The following TRRAP variants were observed in gnomAD, a reference collection of about 807,000 sequenced individuals.
The protein encoded by TRRAP is transformation/transcription domain-associated protein.
Under a neutral mutation model 438.8 loss-of-function variants are expected in TRRAP, and 41 were observed. That is an observed-to-expected ratio of 0.09 (90% CI 0.07 to 0.12). TRRAP has a LOEUF of 0.12. TRRAP is among the 10% of genes least tolerant of loss of function. TRRAP has a pLI of 1.00. For missense variants in TRRAP, 3,122 were observed against 5,055.1 expected (o/e 0.62, Z 11.60); for synonymous variants, 1,994 against 1,962.9 (o/e 1.02, Z -0.42).
At chr7:98,919,634 C>T (rs782258611) in intron 20 of TRRAP, among the ~76,000 whole-genome samples, 3 of 152,128 alleles carry the variant, frequency 2.0e-5, no homozygotes, top group African/African-American at 4.8e-5. Context: ...TGGCATAGGC[C>T]GTGGGTCAGA....
intron 49 of TRRAP, among the ~76,000 whole-genome samples, chr7:98,966,190 C>T (rs939204762): frequency 6.6e-6 from 1 of 151,634 alleles, no homozygotes; most frequent in African/African-American, 2.4e-5. Flanking sequence ...CCTGCAGTCC[C>T]AGCTACTCGG....
Position 98,949,438 on chromosome 7 carries a change from G to A in TRRAP, c.4810G>A (p.Ala1604Thr), listed in dbSNP as rs775854011. 57 of 1,579,410 alleles carry A rather than the reference G, an allele frequency of 3.6e-5. No individual in the cohort carries two copies. Among genetic ancestry groups the A allele is most frequent in the African/African-American group, 5.5e-5 (4 of 72,930 alleles). ...MFMSFLKHKD[A>T]RPLRDVLAAN... ...TCAGAGTTTTTTAAAACACAAAGACGCCAGACCTCTGCGGGATGTGCTGGC... is the reference window on the plus strand; with the variant it reads ...TCAGAGTTTTTTAAAACACAAAGACACCAGACCTCTGCGGGATGTGCTGGC... Residue 1604 changes from alanine (A) to threonine (T), a missense_variant, in exon 36 of 73, where the codon GCC (alanine) becomes ACC (threonine). This residue lies in a region of TRRAP where 272 missense variants were observed against 348.5 expected (regional missense o/e 0.78). Coordinates refer to ENST00000456197, the MANE Select transcript of TRRAP (RefSeq NM_001375524.1).
chr7:98,897,672 T>G, intron 7 of TRRAP, 69 bp from the exon 8 acceptor site: 2 of 1,449,932 alleles, frequency 1.4e-6, no homozygotes, highest in Non-Finnish European at 1.8e-6. Context: ...TTTTGTTTTG[T>G]TTTGTTTTGT....
rs745844727 is a variant in TRRAP at position 98,967,603 on chromosome 7, A to G, written c.7417A>G (p.Met2473Val). 97 of 1,613,994 alleles carry G rather than the reference A, an allele frequency of 6.0e-5. No homozygotes were observed. The highest frequency in any genetic ancestry group is 8.1e-5 in the Non-Finnish European group (96 of 1,180,024). The change falls in exon 51 of 73, where the codon ATG becomes GTG. Residue 2473 changes from methionine (M) to valine (V), a missense_variant. Met to Val is a conservative substitution (Grantham distance 21). Transcript: ENST00000456197. The part of the protein sequence containing the change: ...AKFFEVFDNS[M>V]KRRVYERLLY... ...GTTTTTCGAGGTTTTTGACAACTCC[A>G]TGAAACGTCGTGTCTACGAGCGCTT...
chr7:98,891,205 T>TGTA (rs35255192), intron 4 of TRRAP, among the ~76,000 whole-genome samples: 2 of 72,730 alleles, frequency 2.7e-5, no homozygotes, highest in African/African-American at 9.6e-5. Context: ...ATATATATAT[T>TGTA]TTTTTTTTTT....
intron 44 of TRRAP, among the ~76,000 whole-genome samples, chr7:98,958,564 T>G (rs1331500062): frequency 6.6e-6 from 1 of 152,212 alleles, no homozygotes. Context: ...CCTCCCAAAG[T>G]GCTGGGATTG....
chr7:98,884,419 G>A (rs1186992866), intron 3 of TRRAP, among the ~76,000 whole-genome samples: 2 of 152,022 alleles, frequency 1.3e-5, no homozygotes, highest in Non-Finnish European at 2.9e-5. Context: ...ATTTTTAGTA[G>A]AGATGGGGTT....
intron 1 of TRRAP, 71 bp from the exon 2 acceptor site, chr7:98,881,019 G>A (rs1391866022): frequency 3.5e-6 from 2 of 578,960 alleles, no homozygotes; most frequent in Non-Finnish European, 5.8e-6. Context: ...TAGGCCTTTA[G>A]GTAAGATTTT....
intron 67 of TRRAP, chr7:98,999,855 G>A (rs1027100962): frequency 3.2e-5 from 14 of 441,286 alleles, no homozygotes; most frequent in Non-Finnish European, 4.5e-5. Context: ...TTGCTTTTCC[G>A]AATTCATCTC....
chr7:99,008,266 A>C, intron 69 of TRRAP, 111 bp from the exon 70 acceptor site: 3 of 1,151,456 alleles, frequency 2.6e-6, no homozygotes, highest in Non-Finnish European at 3.8e-6. Context: ...CTAAGCCCCC[A>C]AGGCATACAG....
At chr7:99,002,091 C>G (rs1391207899) in intron 67 of TRRAP, among the ~76,000 whole-genome samples, 1 of 125,114 alleles carries the variant, frequency 8.0e-6, no homozygotes, top group Non-Finnish European at 1.6e-5. Context: ...GGGATTCATG[C>G]TGGCCAGGTG....
chr7:98,959,218 G>A (rs1791769681), intron 44 of TRRAP, 126 bp from the exon 45 acceptor site: 2 of 1,311,462 alleles, frequency 1.5e-6, no homozygotes, highest in South Asian at 1.4e-5. Context: ...GCGGAAGAGA[G>A]GTGGCTGTGA....
chr7:98,881,311 G>A (rs1435869446), intron 2 of TRRAP, 61 bp downstream of exon 2: 42 of 1,490,350 alleles, frequency 2.8e-5, no homozygotes, highest in South Asian at 1.4e-4. Flanking sequence ...GGTGGCTCAC[G>A]TCTGTAATCC....
chr7:98,986,692 T>C (rs1793164349), intron 62 of TRRAP, among the ~76,000 whole-genome samples: 1 of 152,208 alleles, frequency 6.6e-6, no homozygotes, highest in Admixed American at 6.5e-5. Context: ...ATGTACAAGT[T>C]TTTAATTTTG....
Position 98,978,911 on chromosome 7 carries a change from C to A in TRRAP, c.8634+7C>A. On this transcript the variant is annotated splice_region_variant and intron_variant, in intron 58 of 72. Coordinates refer to ENST00000456197, the MANE Select transcript of TRRAP (RefSeq NM_001375524.1). ...GAAGGAGGCGCTGGTGCAGGTGAGA[C>A]GCCCCGGGGGCATCCCTGCCGCTGC... The A allele has an allele frequency of 1.9e-6, 3 of 1,613,554 alleles. No homozygotes were observed. The highest frequency in any genetic ancestry group is 1.7e-6 in the Non-Finnish European group (2 of 1,180,000).
At chr7:98,985,086 A>G (rs1793093751) in intron 62 of TRRAP, 42 bp downstream of exon 62, 1 of 1,381,750 alleles carries the variant, frequency 7.2e-7, no homozygotes, top group Non-Finnish European at 1.0e-6. Flanking sequence ...AAAATGCATC[A>G]GATTATTTAA....
At position 98,933,358 on chromosome 7, in the gene TRRAP, A is replaced by T. The variant is rs1562948408; in HGVS notation, c.3970A>T (p.Thr1324Ser). Residue 1324 changes from threonine (T) to serine (S), a missense_variant, in exon 27 of 73, where the codon ACA (threonine) becomes TCA (serine). By Grantham distance (58) the Thr-to-Ser change is moderately conservative. This residue lies in a region of TRRAP where 84 missense variants were observed against 119.8 expected (regional missense o/e 0.70). Transcript: ENST00000456197. ...TACCACGTTGCAGCCCAGGCTCTTC[A>T]CAATGGACCTTAACGTGGTGGAGCA... ...FCTTLQPRLF[T>S]MDLNVVEHKV... The T allele has an allele frequency of 1.2e-6, 2 of 1,614,038 alleles. No homozygotes were observed. The highest frequency in any genetic ancestry group is 1.7e-6 in the Non-Finnish European group (2 of 1,180,042).
chr7:98,927,126 G>T (rs370852554), intron 22 of TRRAP, 41 bp from the exon 23 acceptor site: 1 of 1,610,108 alleles, frequency 6.2e-7, no homozygotes, highest in Non-Finnish European at 8.5e-7. Flanking sequence ...ATCAGCTCAG[G>T]AGTTGGGTGT....
chr7:98,974,745 C>CT (rs1792575578), intron 53 of TRRAP, among the ~76,000 whole-genome samples: 1 of 152,184 alleles, frequency 6.6e-6, no homozygotes, highest in Admixed American at 6.5e-5. Flanking sequence ...CCAAATAATA[C>CT]TTTACTAGGT....
Sources: gnomAD v4.1 joint callset for allele counts (sites outside exome capture counted in the v4.1 genomes callset) on GRCh38, gnomAD v4.1.1 for gene constraint, gnomAD v4.1.1 regional missense constraint, MANE v1.5 for transcripts, NCBI Gene and HGNC (gene_info 2026-07-23, HGNC 2026-07-21) for gene names.